The following ABCC8 variants were observed in gnomAD, a reference collection of about 807,000 sequenced individuals.
ABCC8 encodes ATP-binding cassette sub-family C member 8.
Under a neutral mutation model 188.0 loss-of-function variants are expected in ABCC8, and 137 were observed. That is an observed-to-expected ratio of 0.73 (90% confidence interval 0.63 to 0.84). ABCC8 has a LOEUF of 0.84. Among genes scored for constraint, ABCC8 ranks in the 40% least tolerant of loss-of-function variants. The pLI is 0.00. For missense variants in ABCC8, 1,750 were observed against 2,072.7 expected (o/e 0.84, Z 3.02); for synonymous variants, 797 against 846.5 (o/e 0.94, Z 1.01).
Position 17,419,343 on chromosome 11 carries a change from A to T in ABCC8, c.2223-2381T>A, listed in dbSNP as rs566596323. Among the ~76,000 whole-genome samples the T allele has an allele frequency of 2.6e-5, 4 of 152,316 alleles. No homozygotes were observed. The East Asian group carries it at 7.7e-4, about 29-fold the overall frequency. Reference sequence around the variant, plus strand: ...TCCCTCCAGCCCACTAGGAGCTGGCATATGTGTGGCAACCTGAATCAGGGT... The same window carrying T: ...TCCCTCCAGCCCACTAGGAGCTGGCTTATGTGTGGCAACCTGAATCAGGGT... On this transcript the variant is annotated intron_variant, in intron 16 of 38. Transcript: ENST00000389817.
chr11:17,474,544 A>AT (rs34427289), intron 2 of ABCC8, among the ~76,000 whole-genome samples: 113,774 of 148,174 alleles, frequency 0.77, 44,026 homozygotes, highest in African/African-American at 0.86. Flanking sequence ...GCATGGTTAG[A>AT]TTTTTTTTTT....
intron 16 of ABCC8, among the ~76,000 whole-genome samples, chr11:17,420,374 C>A (rs1955282033): frequency 6.6e-6 from 1 of 152,204 alleles, no homozygotes; most frequent in Non-Finnish European, 1.5e-5. Flanking sequence ...CAAGTGGCAG[C>A]ATCAGGACTA....
intron 19 of ABCC8, 37 bp downstream of exon 19, chr11:17,414,475 C>G (rs751583737): frequency 6.2e-7 from 1 of 1,612,858 alleles, no homozygotes; most frequent in South Asian, 1.1e-5. Context: ...GACAGTTCCT[C>G]CCCTCCACAT....
intron 16 of ABCC8, among the ~76,000 whole-genome samples, chr11:17,421,621 A>G (rs1370058907): frequency 1.3e-5 from 2 of 152,204 alleles, no homozygotes; most frequent in Admixed American, 1.3e-4. Flanking sequence ...AAAGAAGTAC[A>G]CTATTGAATA....
intron 2 of ABCC8, among the ~76,000 whole-genome samples, chr11:17,473,853 C>T (rs1848613284): frequency 6.6e-6 from 1 of 152,230 alleles, no homozygotes; most frequent in Non-Finnish European, 1.5e-5. Flanking sequence ...CTGTTCCAAA[C>T]TGCTGACCAA....
chr11:17,460,073 G>T (rs773502179), intron 6 of ABCC8, among the ~76,000 whole-genome samples: 1 of 152,210 alleles, frequency 6.6e-6, no homozygotes, highest in Non-Finnish European at 1.5e-5. Flanking sequence ...TGCCCCTGCA[G>T]AAAGCTCAAG....
At chr11:17,460,785 C>G (rs1396548444) in intron 5 of ABCC8, 109 bp from the exon 6 acceptor site, 1 of 1,549,164 alleles carries the variant, frequency 6.5e-7, no homozygotes, top group Admixed American at 1.9e-5. Context: ...ACCCAGTGGT[C>G]ACATCCTCTG....
Position 17,410,525 on chromosome 11 carries a change from A to C in ABCC8, c.2685T>G (p.His895Gln). 1.9e-6 allele frequency: 3 copies of C among 1,613,936 alleles called. No individual in the cohort carries two copies. In the South Asian group the frequency reaches 3.3e-5, roughly 18 times the overall value. ...CCTTGTTCCCCCTCACCCAGTCTGC[A>C]TGGGGCAGGTACTGTAGCTTGTGGG... ...LVTHKLQYLP[H>Q]ADWIIAMKDG... The change falls in exon 22 of 39, where the codon CAT becomes CAG. Residue 895 changes from histidine to glutamine, a missense_variant. Physicochemically the swap from His to Gln is conservative, Grantham distance 24 (BLOSUM62 0). Transcript: ENST00000389817.
At chr11:17,458,874 C>T (rs929884936) in intron 6 of ABCC8, among the ~76,000 whole-genome samples, 2 of 152,186 alleles carry the variant, frequency 1.3e-5, no homozygotes, top group African/African-American at 2.4e-5. Context: ...CTATCTTTTC[C>T]CACAATTCCC....
intron 24 of ABCC8, 59 bp from the exon 25 acceptor site, chr11:17,407,188 C>T (rs1954585022): frequency 6.3e-7 from 1 of 1,599,380 alleles, no homozygotes; most frequent in South Asian, 1.1e-5. Context: ...GAGGGTGAAT[C>T]AGGGCATTTT....
chr11:17,395,532 C>G (rs904482085), intron 35 of ABCC8, 78 bp downstream of exon 35: 53 of 1,523,252 alleles, frequency 3.5e-5, no homozygotes, highest in Non-Finnish European at 4.7e-5. Context: ...TCCCCCAACC[C>G]CCTCCTCTTT....
At position 17,406,938 on chromosome 11, in the gene ABCC8, C is replaced by T. The variant is rs367974472; in HGVS notation, c.3112G>A (p.Asp1038Asn). ...AIDYWLAKWT[D>N]SALTLTPAAR... ...GCAGGGGTCAGGGTCAGGGCGCTGT[C>T]GGTCCACTTGGCCAGCCAGTAGTCG... The change falls in exon 25 of 39, where the codon GAC (aspartate) becomes AAC (asparagine). Residue 1038 changes from aspartate (D) to asparagine (N), a missense_variant. By Grantham distance (23) the Asp-to-Asn change is conservative. Coordinates refer to ENST00000389817, the MANE Select transcript of ABCC8 (RefSeq NM_000352.6). The T allele has an allele frequency of 6.9e-5, 111 of 1,613,986 alleles. No homozygotes were observed. The highest frequency in any genetic ancestry group is 1.6e-4 in the East Asian group (7 of 44,888).
At position 17,398,452 on chromosome 11, in the gene ABCC8, G is replaced by A; in HGVS notation, c.3651-11C>T. 1 of 1,614,006 alleles carries A rather than the reference G, an allele frequency of 6.2e-7. No individual in the cohort carries two copies. Among genetic ancestry groups the A allele is most frequent in the Non-Finnish European group, 8.5e-7 (1 of 1,179,952 alleles). On this transcript the variant is annotated splice_polypyrimidine_tract_variant and intron_variant, in intron 29 of 38. Coordinates refer to ENST00000389817, the MANE Select transcript of ABCC8 (RefSeq NM_000352.6). ...AACCGGGCCTCATACCTGGAGGGAG[G>A]ATGAGAAGCTCCTAAGGGAACAGTG...
rs764620691 is a variant in ABCC8, at chr11:17,430,976, A to G, written c.1672-17T>C. 12 of 1,613,398 alleles carry G rather than the reference A, an allele frequency of 7.4e-6. No individual in the cohort carries two copies. The highest frequency in any genetic ancestry group is 3.3e-5 in the South Asian group (3 of 91,058). ...CACGAAAGTCTGTGGACAGAGGCAC[A>G]AGTGAGGCCAGGGTGGCCCAGGGTG... On this transcript the variant is annotated splice_polypyrimidine_tract_variant and intron_variant, in intron 11 of 38. Coordinates refer to ENST00000389817, the MANE Select transcript of ABCC8 (RefSeq NM_000352.6).
At chr11:17,457,772 C>T (rs1324914980) in intron 6 of ABCC8, among the ~76,000 whole-genome samples, 2 of 152,254 alleles carry the variant, frequency 1.3e-5, no homozygotes, top group South Asian at 2.1e-4. Context: ...TTGCGGATAC[C>T]AAGGATGACA....
intron 22 of ABCC8, among the ~76,000 whole-genome samples, chr11:17,409,814 G>A (rs7932122): frequency 0.13 from 20,487 of 152,168 alleles, 1,803 homozygotes; most frequent in African/African-American, 0.24. Context: ...GAAGAGTATG[G>A]AAATTTAGTT....
chr11:17,435,742 T>TGG (rs1367996838), intron 10 of ABCC8: 7 of 1,351,258 alleles, frequency 5.2e-6, no homozygotes, highest in African/African-American at 1.4e-5. Context: ...TTGGTATAGC[T>TGG]GGGGAATCTT....
intron 16 of ABCC8, among the ~76,000 whole-genome samples, chr11:17,426,800 G>T (rs1376837955): frequency 6.6e-6 from 1 of 152,218 alleles, no homozygotes; most frequent in African/African-American, 2.4e-5. Flanking sequence ...ATTGAGAACA[G>T]TATGGACCTT....
intron 3 of ABCC8, among the ~76,000 whole-genome samples, chr11:17,465,931 GTGCTATT>G (rs1848116768): frequency 6.6e-6 from 1 of 152,130 alleles, no homozygotes; most frequent in Non-Finnish European, 1.5e-5. Flanking sequence ...GTTCATAGCA[GTGCTATT>G]TACAAGAGTC....
Sources: allele counts gnomAD v4.1 joint callset (sites outside exome capture counted in the v4.1 genomes callset), GRCh38; gene constraint gnomAD v4.1.1; transcripts MANE v1.5; gene names NCBI Gene and HGNC (gene_info 2026-07-23, HGNC 2026-07-21).